Variants in ELP1 observed in about 807,000 individuals in gnomAD.
ELP1 encodes elongator complex protein 1.
Under a neutral mutation model 183.2 loss-of-function variants are expected in ELP1, and 131 were observed. The ratio of observed to expected loss-of-function variants is 0.72; its 90% CI spans 0.62 to 0.83. The LOEUF is 0.83. ELP1 is among the 40% of genes least tolerant of loss of function. The pLI is 0.00. For synonymous variants in ELP1, 555 were observed against 569.0 expected, an observed-to-expected ratio of 0.98 and a Z score of 0.35; for missense variants, 1,550 against 1,594.9, an observed-to-expected ratio of 0.97 and a Z score of 0.48.
At chr9:108,930,604 G>A (rs941214166) in intron 2 of ELP1, among the ~76,000 whole-genome samples, 1 of 149,732 alleles carries the variant, frequency 6.7e-6, no homozygotes, top group African/African-American at 2.4e-5. Context: ...GCAGGAGAAT[G>A]GTGTGAACCC....
rs1362889671 is a variant in ELP1, at chr9:108,934,001, C to G, written c.-193G>C. On this transcript the variant is annotated 5_prime_UTR_variant, in exon 1 of 37. Transcript: ENST00000374647. ...CGCGTCTCTGTCCGCGGCTCCCGCT[C>G]TCTCTCCGACGGCACTAGGCCTCCA... 1 of 155,818 alleles carries G rather than the reference C, an allele frequency of 6.4e-6. No homozygotes were observed. Among genetic ancestry groups the G allele is most frequent in the Admixed American group, 6.5e-5 (1 of 15,298 alleles). 9.7% of individuals were successfully genotyped at this position (155,818 alleles called of 1,614,324 possible).
chr9:108,915,498 T>C (rs1163212741), intron 10 of ELP1, among the ~76,000 whole-genome samples: 1 of 152,144 alleles, frequency 6.6e-6, no homozygotes, highest in African/African-American at 2.4e-5. Context: ...CTCCCTAAGT[T>C]TCCAGCCTGC....
Position 108,916,237 on chromosome 9 carries a change from G to A in ELP1, c.925C>T (p.Gln309Ter), listed in dbSNP as rs767578318. 2 of 1,614,028 alleles carry A rather than the reference G, an allele frequency of 1.2e-6. No individual in the cohort carries two copies. Among genetic ancestry groups the A allele is most frequent in the Non-Finnish European group, 1.7e-6 (2 of 1,179,980 alleles). The change falls in exon 10 of 37, where the codon CAG becomes TAG. Residue 309 changes from glutamine to a stop codon, truncating the protein, a stop_gained. Coordinates refer to ENST00000374647, the MANE Select transcript of ELP1 (RefSeq NM_003640.5). LOFTEE classifies it high-confidence loss of function. ...TTCGGAATGGAGCTTTCTTCTCTCT[G>A]AAGGTCTTCCAGCCAGACTGCAAGC... ...SVLAVWLEDL[Q>*]REESSIPKTC...
intron 24 of ELP1, 108 bp from the exon 25 acceptor site, chr9:108,896,752 A>G (rs948364245): frequency 8.8e-7 from 1 of 1,134,584 alleles, no homozygotes. Flanking sequence ...AGAACTGGAC[A>G]TCAGAAGAAT....
intron 34 of ELP1, 97 bp from the exon 35 acceptor site, chr9:108,878,246 T>A: frequency 1.0e-6 from 1 of 970,010 alleles, no homozygotes; most frequent in Non-Finnish European, 1.6e-6. Context: ...ATTTCTATGA[T>A]CCCACTGCAG....
Position 108,916,258 on chromosome 9 carries a change from C to G in ELP1, c.904G>C (p.Ala302Pro). Residue 302 changes from alanine to proline, a missense_variant, in exon 10 of 37, where the codon GCA (alanine) becomes CCA (proline). Physicochemically the swap from Ala to Pro is conservative, Grantham distance 27. Transcript: ENST00000374647. ...CTCTGAAGGTCTTCCAGCCAGACTG[C>G]AAGCACAGAGGAATCTGCATTCCAG... ...LLWNADSSVL[A>P]VWLEDLQREE... 6.2e-7 allele frequency: 1 copy of G among 1,614,120 alleles called. No individual in the cohort carries two copies. The highest frequency in any genetic ancestry group is 8.5e-7 in the Non-Finnish European group (1 of 1,179,990).
At position 108,917,665 on chromosome 9, in the gene ELP1, G is replaced by A; in HGVS notation, c.746C>T (p.Ser249Leu). Residue 249 changes from serine to leucine, a missense_variant, in exon 9 of 37, where the codon TCA (serine) becomes TTA (leucine). By Grantham distance (145) the Ser-to-Leu change is moderately radical (BLOSUM62 -2). Transcript: ENST00000374647. ...GLGPALAWKP[S>L]GSLIASTQDK... is the part of the protein sequence containing the mutation. ...TTGTGTAGATGCAATCAAACTGCCT[G>A]AGGGTCTTAAAGCAAACTCAGAGTG... is the stretch of plus-strand genomic sequence containing the variant. 1.9e-6 allele frequency: 3 copies of A among 1,611,616 alleles called. No homozygotes were observed. The highest frequency in any genetic ancestry group is 2.5e-6 in the Non-Finnish European group (3 of 1,179,130).
chr9:108,931,450 T>C (rs965106565), intron 1 of ELP1, among the ~76,000 whole-genome samples: 2 of 152,220 alleles, frequency 1.3e-5, no homozygotes, highest in Non-Finnish European at 2.9e-5. Flanking sequence ...TTCTCAACTT[T>C]AGAATGTTTT....
intron 5 of ELP1, among the ~76,000 whole-genome samples, chr9:108,924,280 C>G (rs1829754285): frequency 6.6e-6 from 1 of 152,120 alleles, no homozygotes; most frequent in Non-Finnish European, 1.5e-5. Context: ...GCAGCTGCAA[C>G]ACAGATCATA....
At chr9:108,913,157 A>G (rs372611655) in intron 10 of ELP1, among the ~76,000 whole-genome samples, 4 of 152,234 alleles carry the variant, frequency 2.6e-5, no homozygotes, top group African/African-American at 9.6e-5. Flanking sequence ...ATGAAGATTT[A>G]GGAAGAAGAT....
intron 1 of ELP1, among the ~76,000 whole-genome samples, chr9:108,932,150 A>T (rs1250328045): frequency 6.6e-6 from 1 of 152,226 alleles, no homozygotes; most frequent in East Asian, 1.9e-4. Flanking sequence ...GAAAGAATAA[A>T]GATGAATCAA....
chr9:108,933,448 C>T (rs746533504), intron 1 of ELP1, among the ~76,000 whole-genome samples: 4 of 152,180 alleles, frequency 2.6e-5, no homozygotes, highest in Non-Finnish European at 4.4e-5. Flanking sequence ...GAGAAAGCCA[C>T]GTAAAACACC....
rs141899073 is a variant in ELP1, at chr9:108,871,778, T to C, written c.3932-2596A>G. On this transcript the variant is annotated intron_variant, in intron 36 of 36. Transcript: ENST00000374647. Reference sequence around the variant, plus strand: ...TGTGCTTTTTCTCAAATCATAATAGTTGTATAGGTATGCCTTTCTCATAGC... The same window carrying C: ...TGTGCTTTTTCTCAAATCATAATAGCTGTATAGGTATGCCTTTCTCATAGC... 9.8e-4 allele frequency among the ~76,000 whole-genome samples: 150 copies of C among 152,338 alleles called. 3 individuals carry two copies. The East Asian group carries it at 0.028, about 28-fold the overall frequency.
At chr9:108,909,335 G>T (rs375705290) in intron 12 of ELP1, among the ~76,000 whole-genome samples, 151 of 152,182 alleles carry the variant, frequency 9.9e-4, no homozygotes, top group African/African-American at 3.4e-3. Flanking sequence ...AACAAGCCAA[G>T]TACTAGAAAA....
At chr9:108,888,723 G>A (rs529289878) in intron 29 of ELP1, among the ~76,000 whole-genome samples, 3 of 152,248 alleles carry the variant, frequency 2.0e-5, no homozygotes, top group African/African-American at 7.2e-5. Flanking sequence ...ACATAAATGT[G>A]CTATCAGTAA....
At position 108,893,979 on chromosome 9, in the gene ELP1, G is replaced by A. The variant is rs761911009; in HGVS notation, c.2824C>T (p.Arg942Ter). ...QRFTIDKYLK[R>*]YEKAIGHLSK... ...AGGTGGCCAATGGCTTTTTCATATC[G>A]TTTCAAGTATTTGTCTATAGTAAAC... The change falls in exon 26 of 37, where the codon CGA becomes TGA. Residue 942 changes from arginine (R) to a stop codon, truncating the protein, a stop_gained. Transcript: ENST00000374647. LOFTEE classifies it high-confidence loss of function. 7.4e-6 allele frequency: 12 copies of A among 1,612,926 alleles called. No homozygotes were observed. Among genetic ancestry groups the A allele is most frequent in the East Asian group, 2.2e-5 (1 of 44,834 alleles).
intron 27 of ELP1, 87 bp from the exon 28 acceptor site, chr9:108,891,491 T>C (rs1828335543): frequency 2.5e-6 from 3 of 1,211,458 alleles, no homozygotes; most frequent in Admixed American, 1.8e-5. Context: ...GTTCCTATAC[T>C]TGGAACTCCC....
At chr9:108,916,063 C>T in intron 10 of ELP1, 141 bp downstream of exon 10, 2 of 739,888 alleles carry the variant, frequency 2.7e-6, no homozygotes, top group Non-Finnish European at 4.9e-6. Context: ...CAAAACCTAA[C>T]CACCCCCATT....
intron 8 of ELP1, among the ~76,000 whole-genome samples, chr9:108,918,309 G>A (rs140460702): frequency 1.7e-4 from 26 of 152,262 alleles, no homozygotes; most frequent in Admixed American, 3.3e-4. Flanking sequence ...CAAGGGTACT[G>A]GGCCAAGGAG....
Sources: gnomAD v4.1 joint callset for allele counts (sites outside exome capture counted in the v4.1 genomes callset) on GRCh38, gnomAD v4.1.1 for gene constraint, MANE v1.5 for transcripts, NCBI Gene and HGNC (gene_info 2026-07-23, HGNC 2026-07-21) for gene names.